LPP: variants seen among roughly 807,000 people sequenced by gnomAD.
LPP encodes LIM domain containing preferred translocation partner in lipoma.
A neutral mutation model predicts 60.4 loss-of-function variants in LPP; 38 were observed. The observed-to-expected ratio is 0.63, with a 90% CI of 0.49 to 0.83. The LOEUF (loss-of-function observed/expected upper bound fraction) is 0.83. LPP is among the 40% of genes least tolerant of loss of function. The pLI, the probability that LPP is intolerant of heterozygous loss-of-function variation, is 0.00. For synonymous variants in LPP, 328 were observed against 290.8 expected, an observed-to-expected ratio of 1.13 and a Z score of -1.30; for missense variants, 902 against 783.6, an observed-to-expected ratio of 1.15 and a Z score of -1.80.
Position 188,689,603 on chromosome 3 carries a change from C to T in LPP, c.1114-18664C>T, listed in dbSNP as rs755916675. 7.2e-5 allele frequency among the ~76,000 whole-genome samples: 11 copies of T among 152,186 alleles called. No homozygotes were observed. The South Asian group carries it at 1.9e-3, about 26-fold the overall frequency. ...GGCTTATTTCACTCAACATAATGTCCTCCAGGTTTGTTTGACATTTCATTG... is the reference window on the plus strand; with the variant it reads ...GGCTTATTTCACTCAACATAATGTCTTCCAGGTTTGTTTGACATTTCATTG... On this transcript the variant is annotated intron_variant, in intron 7 of 11. Coordinates refer to ENST00000617246, the MANE Select transcript of LPP (RefSeq NM_001375462.1).
intron 5 of LPP, among the ~76,000 whole-genome samples, chr3:188,503,072 T>G (rs1032060822): frequency 2.6e-5 from 4 of 152,198 alleles, no homozygotes; most frequent in South Asian, 2.1e-4. Context: ...ATAATTTTTT[T>G]TGTGTATTCA....
chr3:188,378,728 A>G (rs1364407134), intron 3 of LPP, among the ~76,000 whole-genome samples: 6 of 151,616 alleles, frequency 4.0e-5, no homozygotes, highest in Admixed American at 3.9e-4. Context: ...TGCTGCACCT[A>G]CTCTCTGGCA....
intron 9 of LPP, among the ~76,000 whole-genome samples, chr3:188,771,516 C>T (rs1735952136): frequency 7.3e-6 from 1 of 137,002 alleles, no homozygotes; most frequent in South Asian, 2.2e-4. Context: ...TGCCACTGCA[C>T]TCCAGCCTGG....
In LPP at chr3:188,253,483, A is replaced by G. The variant is rs566717060; in HGVS notation, c.-67+27956A>G. Among the ~76,000 whole-genome samples the G allele has an allele frequency of 3.3e-5, 5 of 152,322 alleles. No individual in the cohort carries two copies. The South Asian group carries it at 8.3e-4, about 25-fold the overall frequency. On this transcript the variant is annotated intron_variant, in intron 2 of 11. Transcript: ENST00000617246. ...GTTATCTGCTGTCTCAACACCATTTAGTATGAAAATATCTTCTCATACTTC... is the reference window on the plus strand; with the variant it reads ...GTTATCTGCTGTCTCAACACCATTTGGTATGAAAATATCTTCTCATACTTC...
At chr3:188,153,424 G>C (rs1233455841), upstream of LPP, 1 of 152,330 alleles carries the variant, frequency 6.6e-6, no homozygotes, top group African/African-American at 2.4e-5. Context: ...CTTGGAAGGG[G>C]ATTTCATGGC....
chr3:188,214,127 T>C (rs1293035627), intron 1 of LPP, among the ~76,000 whole-genome samples: 1 of 152,030 alleles, frequency 6.6e-6, no homozygotes, highest in Non-Finnish European at 1.5e-5. Context: ...ACTTTTTTTT[T>C]TTTCTTTCTT....
intron 2 of LPP, among the ~76,000 whole-genome samples, chr3:188,298,502 C>T (rs1443388526): frequency 1.3e-5 from 2 of 152,122 alleles, no homozygotes; most frequent in Non-Finnish European, 2.9e-5. Flanking sequence ...GAGGTTTTAC[C>T]AGAATTCAGC....
intron 2 of LPP, among the ~76,000 whole-genome samples, chr3:188,271,514 T>C (rs1737721700): frequency 6.6e-6 from 1 of 152,202 alleles, no homozygotes; most frequent in Admixed American, 6.5e-5. Flanking sequence ...TGAGACACTT[T>C]GCTGTCACAG....
intron 7 of LPP, among the ~76,000 whole-genome samples, chr3:188,666,346 T>G (rs1357358841): frequency 6.6e-6 from 1 of 152,240 alleles, no homozygotes; most frequent in Non-Finnish European, 1.5e-5. Context: ...TATGTCATCC[T>G]TAACGGTGTG....
chr3:188,568,622 C>T (rs976568319), intron 6 of LPP: 6 of 151,928 alleles, frequency 3.9e-5, no homozygotes, highest in Admixed American at 3.9e-4. Flanking sequence ...CAAACCTAGT[C>T]TTGGAAGATC....
chr3:188,206,583 C>T (rs556416118), intron 1 of LPP, among the ~76,000 whole-genome samples: 1 of 152,262 alleles, frequency 6.6e-6, no homozygotes, highest in African/African-American at 2.4e-5. Flanking sequence ...CTTTTGTCAA[C>T]TATTTCAGAG....
intron 10 of LPP, among the ~76,000 whole-genome samples, chr3:188,867,862 T>C (rs967142675): frequency 2.0e-5 from 3 of 152,274 alleles, no homozygotes. Context: ...CTGTGTTGAT[T>C]GTCAACAGCC....
At chr3:188,834,302 AT>A (rs1327270826) in intron 9 of LPP, among the ~76,000 whole-genome samples, 1 of 58,808 alleles carries the variant, frequency 1.7e-5, no homozygotes, top group Non-Finnish European at 3.7e-5. Context: ...CCATTTTAGG[AT>A]TTTTTTGTTT....
intron 10 of LPP, among the ~76,000 whole-genome samples, chr3:188,869,654 T>G (rs1032498941): frequency 6.6e-6 from 1 of 152,230 alleles, no homozygotes; most frequent in Non-Finnish European, 1.5e-5. Flanking sequence ...CAGAGGGATC[T>G]TGTTAAACTT....
At chr3:188,743,426 A>G (rs1199528071) in intron 8 of LPP, among the ~76,000 whole-genome samples, 1 of 152,050 alleles carries the variant, frequency 6.6e-6, no homozygotes, top group Non-Finnish European at 1.5e-5. Flanking sequence ...GAGAATCCTT[A>G]GGCCTAAAAG....
At chr3:188,744,238 A>C (rs373837111) in intron 8 of LPP, among the ~76,000 whole-genome samples, 12 of 152,240 alleles carry the variant, frequency 7.9e-5, no homozygotes, top group East Asian at 5.8e-4. Flanking sequence ...CACTACCCCT[A>C]GTTTAACTGG....
intron 8 of LPP, among the ~76,000 whole-genome samples, chr3:188,713,545 A>G (rs1213498454): frequency 6.6e-6 from 1 of 152,224 alleles, no homozygotes; most frequent in Non-Finnish European, 1.5e-5. Flanking sequence ...TTGTTGCAGT[A>G]TAAGGTGAGG....
chr3:188,313,652 TA>T, intron 2 of LPP, among the ~76,000 whole-genome samples: 1 of 149,120 alleles, frequency 6.7e-6, no homozygotes, highest in East Asian at 2.0e-4. Flanking sequence ...AAAAAAAAAA[TA>T]AAATAAAATA....
At chr3:188,193,101 C>T (rs1293356446) in intron 1 of LPP, among the ~76,000 whole-genome samples, 1 of 152,172 alleles carries the variant, frequency 6.6e-6, no homozygotes. Context: ...AAATCAATAA[C>T]ATGTTCCTGG....
Sources: gnomAD v4.1 joint callset for allele counts (sites outside exome capture counted in the v4.1 genomes callset) on GRCh38, gnomAD v4.1.1 for gene constraint, MANE v1.5 for transcripts, NCBI Gene and HGNC (gene_info 2026-07-23, HGNC 2026-07-21) for gene names.